Variants in CTTNBP2 observed in about 807,000 individuals in gnomAD.
CTTNBP2 encodes the protein cortactin binding protein 2.
In CTTNBP2, 108 loss-of-function variants were observed where a neutral mutation model predicts 156.9. That is an observed-to-expected ratio of 0.69 (90% CI 0.59 to 0.81). The LOEUF (loss-of-function observed/expected upper bound fraction) is 0.81, where lower values mean the gene tolerates loss of function less well. Ranked by LOEUF, CTTNBP2 falls within the 30% of genes least tolerant of loss-of-function variation. The pLI is 0.00. For missense variants in CTTNBP2, 1,924 were observed against 2,035.4 expected (o/e 0.95, Z 1.05); for synonymous variants, 767 against 751.8 (o/e 1.02, Z -0.33).
chr7:117,781,507 G>A (rs914156975), intron 6 of CTTNBP2, among the ~76,000 whole-genome samples: 2 of 152,214 alleles, frequency 1.3e-5, no homozygotes, highest in Admixed American at 6.5e-5. Flanking sequence ...TTGGGAGGCT[G>A]AGGGGGACAG....
chr7:117,790,926 C>A (rs942455209), intron 4 of CTTNBP2, among the ~76,000 whole-genome samples: 1 of 150,648 alleles, frequency 6.6e-6, no homozygotes, highest in Non-Finnish European at 1.5e-5. Context: ...ATAGCGAAAC[C>A]GCAATTCATA....
intron 2 of CTTNBP2, among the ~76,000 whole-genome samples, chr7:117,847,805 C>T: frequency 1.0e-5 from 1 of 98,498 alleles, no homozygotes; most frequent in Non-Finnish European, 2.2e-5. Context: ...TTTTATAGAT[C>T]TTCTTTGCCT....
chr7:117,810,918 G>A lies in CTTNBP2; in HGVS notation c.261C>T (p.Leu87=), dbSNP rs776579346. The change falls in exon 3 of 23, where the codon CTC becomes CTT. Residue 87 remains leucine, a synonymous_variant. Transcript: ENST00000160373. ...CAGCACCTGCTTCATAGTCTCTCTG[G>A]AGTGCCAGGAACGGGTCATTTAGAT... is the stretch of plus-strand genomic sequence containing the variant. ...RFNLNDPFLA[L]QRDYEAGAGD... is the part of the protein sequence containing the mutation. 3.1e-6 allele frequency: 5 copies of A among 1,613,952 alleles called. No individual in the cohort carries two copies. Among genetic ancestry groups the A allele is most frequent in the Non-Finnish European group, 4.2e-6 (5 of 1,180,008 alleles).
At chr7:117,774,573 C>T (rs1052389376) in intron 8 of CTTNBP2, among the ~76,000 whole-genome samples, 17 of 152,274 alleles carry the variant, frequency 1.1e-4, no homozygotes, top group Non-Finnish European at 2.1e-4. Context: ...ATATAGGTTG[C>T]ATGCTCCTTA....
chr7:117,795,203 TTATATG>T (rs1799252693), intron 3 of CTTNBP2, among the ~76,000 whole-genome samples: 5 of 152,188 alleles, frequency 3.3e-5, no homozygotes, highest in Admixed American at 3.3e-4. Context: ...CCTACTGTTT[TTATATG>T]TATATCTTAT....
In CTTNBP2 at chr7:117,757,968, T is replaced by A. The variant is rs371183483; in HGVS notation, c.3175A>T (p.Asn1059Tyr). The change falls in exon 11 of 23, where the codon AAT (asparagine) becomes TAT (tyrosine). Residue 1059 changes from asparagine to tyrosine, a missense_variant and splice_region_variant. Transcript: ENST00000160373. Reference protein sequence around the residue: ...ARSIRSITLGNVPWSVGQSFA... With the variant: ...ARSIRSITLGYVPWSVGQSFA... ...CTCTGACCCACTGACCACGGCACAT[T>A]TCCTAGTTTCAAAAAATGAAATAAA... is the stretch of plus-strand genomic sequence containing the variant. 1.2e-6 allele frequency: 2 copies of A among 1,610,356 alleles called. No individual in the cohort carries two copies. The highest frequency in any genetic ancestry group is 1.7e-6 in the Non-Finnish European group (2 of 1,178,544).
Position 117,850,695 on chromosome 7 carries a change from C to T in CTTNBP2, c.189+10514G>A, listed in dbSNP as rs572483492. The stretch of plus-strand genomic sequence containing the variant: ...CAAATATTTTGTATTCTTACTTTGG[C>T]CCTATTATTACACAGCCCTCCACAG... On this transcript the variant is annotated intron_variant, in intron 2 of 22. Coordinates refer to ENST00000160373, the MANE Select transcript of CTTNBP2 (RefSeq NM_033427.3). Among the ~76,000 whole-genome samples the T allele has an allele frequency of 3.3e-5, 5 of 152,026 alleles. No homozygotes were observed. The South Asian group carries it at 1.0e-3, about 32-fold the overall frequency.
At chr7:117,841,766 G>T (rs1265881350) in intron 2 of CTTNBP2, among the ~76,000 whole-genome samples, 1 of 152,206 alleles carries the variant, frequency 6.6e-6, no homozygotes, top group Non-Finnish European at 1.5e-5. Context: ...ACTAACTGGT[G>T]TCATCAGATA....
chr7:117,714,741 G>C (rs1794247266), intron 22 of CTTNBP2, among the ~76,000 whole-genome samples: 1 of 152,154 alleles, frequency 6.6e-6, no homozygotes, highest in Non-Finnish European at 1.5e-5. Flanking sequence ...ATGAGAACAT[G>C]GAGAATCACT....
intron 3 of CTTNBP2, among the ~76,000 whole-genome samples, chr7:117,797,759 A>G (rs1194185435): frequency 6.6e-6 from 1 of 152,212 alleles, no homozygotes; most frequent in East Asian, 1.9e-4. Context: ...CGATTTGAAG[A>G]GCATAGAAAA....
chr7:117,866,407 A>G lies in CTTNBP2; in HGVS notation c.82-5091T>C, dbSNP rs532953854. On this transcript the variant is annotated intron_variant, in intron 1 of 22. Transcript: ENST00000160373. Reference sequence around the variant, plus strand: ...ACACCCCTCAGATCTTTCCTCAAACACATCCGTCCTATCAGGGCTGCTGGG... The same window carrying G: ...ACACCCCTCAGATCTTTCCTCAAACGCATCCGTCCTATCAGGGCTGCTGGG... Among the ~76,000 whole-genome samples, 8 of 152,292 alleles carry G rather than the reference A, an allele frequency of 5.3e-5. No homozygotes were observed. The East Asian group carries it at 1.5e-3, about 29-fold the overall frequency.
At chr7:117,750,723 T>C (rs1253199623) in intron 12 of CTTNBP2, among the ~76,000 whole-genome samples, 1 of 152,206 alleles carries the variant, frequency 6.6e-6, no homozygotes, top group Non-Finnish European at 1.5e-5. Flanking sequence ...CATATTGTTT[T>C]GAAGTTATCA....
intron 7 of CTTNBP2, among the ~76,000 whole-genome samples, chr7:117,778,700 T>A (rs1249345674): frequency 1.3e-5 from 2 of 152,214 alleles, no homozygotes; most frequent in Non-Finnish European, 2.9e-5. Context: ...AGGTTCTATC[T>A]ACAGTCTCTT....
intron 1 of CTTNBP2, among the ~76,000 whole-genome samples, chr7:117,866,722 T>C (rs1448053645): frequency 2.0e-5 from 3 of 152,174 alleles, no homozygotes; most frequent in African/African-American, 7.2e-5. Context: ...ATCCCCTAAA[T>C]GTCCTGATTT....
chr7:117,847,323 G>A (rs1802646393), intron 2 of CTTNBP2, among the ~76,000 whole-genome samples: 1 of 152,196 alleles, frequency 6.6e-6, no homozygotes, highest in African/African-American at 2.4e-5. Context: ...ATCACTTGAG[G>A]CCAGGAGTTC....
At position 117,725,128 on chromosome 7, in the gene CTTNBP2, C is replaced by A; in HGVS notation, c.4185G>T (p.Gln1395His). The part of the protein sequence containing the change: ...TTAKRHPSQG[Q>H]QAVVKAALSI... The stretch of plus-strand genomic sequence containing the variant: ...TGAGAGCAGCTTTGACCACAGCCTG[C>A]TGTCCTTGGCTAGGGTGTCTTTTAG... Residue 1395 changes from glutamine (Q) to histidine (H), a missense_variant, in exon 18 of 23, where the codon CAG becomes CAT. Physicochemically the swap from Gln to His is conservative, Grantham distance 24. Coordinates refer to ENST00000160373, the MANE Select transcript of CTTNBP2 (RefSeq NM_033427.3). The A allele has an allele frequency of 6.2e-7, 1 of 1,613,476 alleles. No individual in the cohort carries two copies. The highest frequency in any genetic ancestry group is 1.1e-5 in the South Asian group (1 of 91,044).
intron 3 of CTTNBP2, chr7:117,793,541 T>C (rs964265264): frequency 6.6e-6 from 1 of 152,368 alleles, no homozygotes; most frequent in African/African-American, 2.4e-5. Flanking sequence ...CCACACACCT[T>C]CCCGTAGCGC....
At chr7:117,852,609 C>T (rs1205348457) in intron 2 of CTTNBP2, among the ~76,000 whole-genome samples, 4 of 152,162 alleles carry the variant, frequency 2.6e-5, no homozygotes, top group African/African-American at 9.6e-5. Context: ...AATGATGTTC[C>T]TCTACCTTAT....
At chr7:117,758,833 A>C (rs759255187) in intron 10 of CTTNBP2, among the ~76,000 whole-genome samples, 1 of 152,228 alleles carries the variant, frequency 6.6e-6, no homozygotes, top group Non-Finnish European at 1.5e-5. Flanking sequence ...TATACCTCTG[A>C]GACAAGCATG....
Sources: gnomAD v4.1 joint callset for allele counts (sites outside exome capture counted in the v4.1 genomes callset) on GRCh38, gnomAD v4.1.1 for gene constraint, MANE v1.5 for transcripts, NCBI Gene and HGNC (gene_info 2026-07-23, HGNC 2026-07-21) for gene names.